SYDE2: variants seen among roughly 807,000 people sequenced by gnomAD.
SYDE2 encodes the protein synapse defective Rho GTPase homolog 2, also known as rho GTPase-activating protein SYDE2.
Under a neutral mutation model 91.5 loss-of-function variants are expected in SYDE2, and 76 were observed. That is an observed-to-expected ratio of 0.83 (90% CI 0.69 to 1.01). The LOEUF (loss-of-function observed/expected upper bound fraction) is 1.01, where lower values mean the gene tolerates loss of function less well. Ranked by LOEUF, SYDE2 falls within the 50% of genes least tolerant of loss-of-function variation. SYDE2 has a pLI of 0.00. For synonymous variants in SYDE2, 513 were observed against 506.4 expected (o/e 1.01, Z -0.18); for missense variants, 1,364 against 1,367.7 (o/e 1.00, Z 0.04).
At chr1:85,176,858 TTCTC>T (rs1453907118) in intron 4 of SYDE2, among the ~76,000 whole-genome samples, 1 of 152,202 alleles carries the variant, frequency 6.6e-6, no homozygotes, top group Non-Finnish European at 1.5e-5. Flanking sequence ...TTTCATAGTA[TTCTC>T]TCTACTTTCG....
In SYDE2 at chr1:85,190,586, T is replaced by G; in HGVS notation, c.912A>C (p.Glu304Asp). 6.2e-7 allele frequency: 1 copy of G among 1,613,978 alleles called. No homozygotes were observed. The highest frequency in any genetic ancestry group is 8.5e-7 in the Non-Finnish European group (1 of 1,179,886). ...GACTTCTATCTTGGCATTTCTTATT[T>G]TCTTCTTCCAGATTAAGAGGCCTCA... is the stretch of plus-strand genomic sequence containing the variant. Reference protein sequence around the residue: ...STLRPLNLEEENKKCQDRSHL... With the variant: ...STLRPLNLEEDNKKCQDRSHL... The change falls in exon 2 of 7, where the codon GAA becomes GAC. Residue 304 changes from glutamate (E) to aspartate (D), a missense_variant. Coordinates refer to ENST00000341460, the MANE Select transcript of SYDE2 (RefSeq NM_032184.2).
chr1:85,182,280 T>C lies in SYDE2; in HGVS notation c.2362A>G (p.Ile788Val), dbSNP rs748812162. The change falls in exon 3 of 7, where the codon ATT (isoleucine) becomes GTT (valine). Residue 788 changes from isoleucine (I) to valine (V), a missense_variant. Coordinates refer to ENST00000341460, the MANE Select transcript of SYDE2 (RefSeq NM_032184.2). ...LAVKLEPRGL[I>V]YVKVTLMEQW... Reference sequence around the variant, plus strand: ...TCCATAAGAGTCACTTTCACATAAATAAGACCTCTAGGTTCAAGTTTGACA... The same window carrying C: ...TCCATAAGAGTCACTTTCACATAAACAAGACCTCTAGGTTCAAGTTTGACA... 6.2e-7 allele frequency: 1 copy of C among 1,613,430 alleles called. No individual in the cohort carries two copies. The highest frequency in any genetic ancestry group is 8.5e-7 in the Non-Finnish European group (1 of 1,179,724).
intron 2 of SYDE2, among the ~76,000 whole-genome samples, chr1:85,189,783 C>T (rs1350796852): frequency 2.0e-5 from 3 of 152,134 alleles, no homozygotes; most frequent in Non-Finnish European, 2.9e-5. Flanking sequence ...TGCGGTGCGC[C>T]ATGATTGTGC....
Position 85,190,476 on chromosome 1 carries a change from A to T in SYDE2, c.1022T>A (p.Val341Glu). 1 of 1,613,954 alleles carries T rather than the reference A, an allele frequency of 6.2e-7. No individual in the cohort carries two copies. Among genetic ancestry groups the T allele is most frequent in the East Asian group, 2.2e-5 (1 of 44,888 alleles). The change falls in exon 2 of 7, where the codon GTG becomes GAG. Residue 341 changes from valine (V) to glutamate (E), a missense_variant. Physicochemically the swap from Val to Glu is moderately radical, Grantham distance 121. Transcript: ENST00000341460. ...LKSSKEYCTY[V>E]VCNATNSSLS... Reference sequence around the variant, plus strand: ...TGAAGAGTTTGTAGCGTTACATACCACATATGTACAGTACTCTTTAGATGA... The same window carrying T: ...TGAAGAGTTTGTAGCGTTACATACCTCATATGTACAGTACTCTTTAGATGA...
rs1033297782 is a variant in SYDE2, at chr1:85,200,962, C to T, written c.35G>A (p.Arg12Gln). ...HDLPPDSGAR[R>Q]GGRGLADHSF... ...GTGATCCGCCAAGCCCCTGCCGCCC[C>T]GCCGCGCGCCCGAGTCAGGGGGCAG... is the stretch of plus-strand genomic sequence containing the variant. Residue 12 changes from arginine to glutamine, a missense_variant, in exon 1 of 7, where the codon CGG becomes CAG. Physicochemically the swap from Arg to Gln is conservative, Grantham distance 43 (BLOSUM62 1). Coordinates refer to ENST00000341460, the MANE Select transcript of SYDE2 (RefSeq NM_032184.2). 2.3e-6 allele frequency: 3 copies of T among 1,296,674 alleles called. No homozygotes were observed. The highest frequency in any genetic ancestry group is 2.9e-6 in the Non-Finnish European group (3 of 1,030,258). 80.3% of individuals were successfully genotyped at this position (1,296,674 alleles called of 1,614,324 possible). A position where few individuals can be genotyped will look rare whatever the true frequency, so the allele number is the denominator to read the frequency against.
At chr1:85,187,877 AG>A (rs1427875591) in intron 2 of SYDE2, among the ~76,000 whole-genome samples, 6 of 54,440 alleles carry the variant, frequency 1.1e-4, no homozygotes, top group African/African-American at 4.7e-4. Flanking sequence ...GGGGTGGGGG[AG>A]GGGGGAGGGA....
chr1:85,173,637 T>C (rs1252681271), intron 4 of SYDE2, among the ~76,000 whole-genome samples: 1 of 152,162 alleles, frequency 6.6e-6, no homozygotes, highest in Non-Finnish European at 1.5e-5. Context: ...AGTAACGTAC[T>C]TGCATACCAA....
At chr1:85,181,975 A>T in intron 3 of SYDE2, 123 bp downstream of exon 3, 1 of 1,073,964 alleles carries the variant, frequency 9.3e-7, no homozygotes, top group Non-Finnish European at 1.3e-6. Context: ...GAATAAAAAT[A>T]AAGAATAGGA....
intron 2 of SYDE2, among the ~76,000 whole-genome samples, chr1:85,184,888 A>C (rs1254963653): frequency 1.3e-5 from 2 of 152,028 alleles, no homozygotes; most frequent in Non-Finnish European, 1.5e-5. Flanking sequence ...CTTAAAAAAA[A>C]AAAAAAAGAT....
Position 85,193,721 on chromosome 1 carries a change from G to T in SYDE2, c.746-2969C>A, listed in dbSNP as rs184121810. ...TCACGGCAACCTCAACCTCCCAGGC[G>T]CAAGTGATCCTCCCGCCTCAGTCTC... is the stretch of plus-strand genomic sequence containing the variant. On this transcript the variant is annotated intron_variant, in intron 1 of 6. Coordinates refer to ENST00000341460, the MANE Select transcript of SYDE2 (RefSeq NM_032184.2). Among the ~76,000 whole-genome samples the T allele has an allele frequency of 1.7e-3, 256 of 151,996 alleles. 2 individuals carry two copies. Among genetic ancestry groups the T allele is most frequent in the African/African-American group, 5.8e-3 (240 of 41,454 alleles).
intron 1 of SYDE2, among the ~76,000 whole-genome samples, chr1:85,198,720 G>A (rs763104650): frequency 3.1e-4 from 47 of 152,132 alleles, no homozygotes; most frequent in Non-Finnish European, 5.0e-4. Context: ...AAGTGTTTTA[G>A]CTCTGTGACA....
At chr1:85,168,228 C>G (rs1657367957) in intron 5 of SYDE2, among the ~76,000 whole-genome samples, 2 of 152,170 alleles carry the variant, frequency 1.3e-5, no homozygotes, top group South Asian at 4.1e-4. Flanking sequence ...TAGCTGTTCC[C>G]TTCCCCTAAT....
intron 1 of SYDE2, among the ~76,000 whole-genome samples, chr1:85,197,532 A>G (rs1315530086): frequency 6.6e-6 from 1 of 152,252 alleles, no homozygotes; most frequent in African/African-American, 2.4e-5. Flanking sequence ...ACCGCTCCAA[A>G]TAAGTTTTGC....
rs770287228 is a variant in SYDE2, at chr1:85,200,495, G to A, written c.502C>T (p.Arg168Cys). The change falls in exon 1 of 7, where the codon CGC becomes TGC. Residue 168 changes from arginine to cysteine, a missense_variant. Coordinates refer to ENST00000341460, the MANE Select transcript of SYDE2 (RefSeq NM_032184.2). ...FRDPAGSSVI[R>C]SGKGDRQEGP... ...TCCTGGCGGTCTCCTTTGCCACTGC[G>A]TATCACAGAGGACCCCGCTGGATCC... The A allele has an allele frequency of 5.6e-6, 9 of 1,613,750 alleles. No homozygotes were observed. The highest frequency in any genetic ancestry group is 1.6e-4 in the Middle Eastern group (1 of 6,062).
Position 85,178,905 on chromosome 1 carries a change from T to C in SYDE2, c.2545-633A>G, listed in dbSNP as rs186189830. 1.9e-3 allele frequency among the ~76,000 whole-genome samples: 282 copies of C among 152,054 alleles called. 1 individual carries two copies. Among genetic ancestry groups the C allele is most frequent in the Non-Finnish European group, 3.0e-3 (204 of 67,972 alleles). On this transcript the variant is annotated intron_variant, in intron 3 of 6. Coordinates refer to ENST00000341460, the MANE Select transcript of SYDE2 (RefSeq NM_032184.2). ...TATATTAAAGGTAAAATAAAACCTC[T>C]ATTTCAAAATTTATATAAGATGCAC...
chr1:85,169,951 T>G (rs1052099485), intron 4 of SYDE2, among the ~76,000 whole-genome samples: 6 of 152,000 alleles, frequency 3.9e-5, no homozygotes, highest in Non-Finnish European at 8.8e-5. Context: ...TATATATAAG[T>G]AAGGTAGGTA....
intron 2 of SYDE2, among the ~76,000 whole-genome samples, chr1:85,184,557 C>A (rs1053265156): frequency 6.6e-6 from 1 of 151,980 alleles, no homozygotes; most frequent in African/African-American, 2.4e-5. Flanking sequence ...CAGCAAAAAT[C>A]AAAAATAAAG....
intron 3 of SYDE2, chr1:85,181,546 C>T (rs1190810209): frequency 6.6e-6 from 1 of 152,128 alleles, no homozygotes; most frequent in Non-Finnish European, 1.5e-5. Context: ...GAGGAGAAAC[C>T]AGAATCCAGG....
At chr1:85,171,921 A>C (rs1657519238) in intron 4 of SYDE2, among the ~76,000 whole-genome samples, 2 of 152,098 alleles carry the variant, frequency 1.3e-5, no homozygotes, top group African/African-American at 4.8e-5. Flanking sequence ...AGAAGAGGGG[A>C]GGGCGGGGGA....
Sources: gnomAD v4.1 joint callset for allele counts (sites outside exome capture counted in the v4.1 genomes callset) on GRCh38, gnomAD v4.1.1 for gene constraint, MANE v1.5 for transcripts, NCBI Gene and HGNC (gene_info 2026-07-23, HGNC 2026-07-21) for gene names.